ACLY: variants seen among roughly 807,000 people sequenced by gnomAD.
ACLY encodes ATP-citrate synthase.
In ACLY, 41 loss-of-function variants were observed where a neutral mutation model predicts 133.0. That is an observed-to-expected ratio of 0.31 (90% CI 0.24 to 0.40). ACLY has a LOEUF of 0.40. ACLY is among the 10% of genes least tolerant of loss of function. The probability of loss-of-function intolerance (pLI) is 1.00; values close to 1 mark genes in which losing one functional copy is unlikely to be tolerated. For missense variants in ACLY, 1,046 were observed against 1,453.8 expected, an observed-to-expected ratio of 0.72 and a Z score of 4.56; for synonymous variants, 495 against 549.3, an observed-to-expected ratio of 0.90 and a Z score of 1.38.
rs1488337852 is a variant in ACLY, at chr17:41,869,545, C to T, written c.2980G>A (p.Val994Ile). The stretch of plus-strand genomic sequence containing the variant: ...GGAGTGGCAGGGAAGTGCTGCCTGA[C>T]GTAATCTTTGAGGATCTGCACTCGC... ...DMRVQILKDY[V>I]RQHFPATPLL... is the part of the protein sequence containing the mutation. The change falls in exon 26 of 29, where the codon GTC (valine) becomes ATC (isoleucine). Residue 994 changes from valine to isoleucine, a missense_variant. This residue lies in a region of ACLY where 205 missense variants were observed against 373.3 expected (regional missense o/e 0.55). Transcript: ENST00000352035. The T allele has an allele frequency of 6.2e-6, 10 of 1,613,946 alleles. No homozygotes were observed. In the Admixed American group the frequency reaches 8.3e-5, roughly 13 times the overall value.
chr17:41,870,425 T>TA (rs2048568937), intron 25 of ACLY: 1 of 152,196 alleles, frequency 6.6e-6, no homozygotes, highest in Non-Finnish European at 1.5e-5. Flanking sequence ...GATGGCCAAG[T>TA]GTTTGGCTGC....
At chr17:41,902,195 G>A (rs1395671899) in intron 10 of ACLY, among the ~76,000 whole-genome samples, 7 of 152,184 alleles carry the variant, frequency 4.6e-5, no homozygotes, top group Non-Finnish European at 1.0e-4. Context: ...TCCTACAAAA[G>A]CTTCTTAAGT....
intron 13 of ACLY, 145 bp downstream of exon 13, chr17:41,897,604 G>A (rs1328678620): frequency 7.2e-6 from 5 of 694,016 alleles, no homozygotes; most frequent in South Asian, 1.9e-5. Context: ...TACCATCCTC[G>A]TGTCCCAGGT....
Position 41,918,877 on chromosome 17 carries a change from C to T in ACLY, c.-24+3G>A. ...GCCAGCGAAAACAGCCTCCCGTGCTCACCTCTGCCGAAGTCCGTGCGCGGC... is the reference window on the plus strand; with the variant it reads ...GCCAGCGAAAACAGCCTCCCGTGCTTACCTCTGCCGAAGTCCGTGCGCGGC... On this transcript the variant is annotated splice_donor_region_variant and intron_variant, in intron 1 of 28. Transcript: ENST00000352035. 7.8e-7 allele frequency: 1 copy of T among 1,288,446 alleles called. No individual in the cohort carries two copies. The highest frequency in any genetic ancestry group is 1.0e-6 in the Non-Finnish European group (1 of 988,424). The allele number at this position is 1,288,446 out of a possible 1,614,324, so 79.8% of individuals were successfully genotyped here. A position where few individuals can be genotyped will look rare whatever the true frequency, so the allele number is the denominator to read the frequency against.
chr17:41,922,328 G>A (rs1167589499), upstream of ACLY, among the ~76,000 whole-genome samples: 1 of 141,940 alleles, frequency 7.0e-6, no homozygotes, highest in Non-Finnish European at 1.5e-5. Flanking sequence ...GCAGTGAGCC[G>A]AGATCACGCC....
At chr17:41,868,872 G>A in intron 27 of ACLY, 87 bp from the exon 28 acceptor site, 2 of 1,456,348 alleles carry the variant, frequency 1.4e-6, no homozygotes, top group South Asian at 1.2e-5. Context: ...CCAAGAATGA[G>A]AAGAAAAGGG....
intron 22 of ACLY, among the ~76,000 whole-genome samples, chr17:41,876,957 C>T (rs552090336): frequency 5.3e-5 from 8 of 152,032 alleles, no homozygotes; most frequent in African/African-American, 1.9e-4. Flanking sequence ...TGGGGGAGCC[C>T]TTCAATATGT....
intron 10 of ACLY, among the ~76,000 whole-genome samples, chr17:41,902,909 C>T (rs1394242258): frequency 6.6e-6 from 1 of 152,166 alleles, no homozygotes; most frequent in Non-Finnish European, 1.5e-5. Flanking sequence ...TCACTGCAGC[C>T]TCAACCTCCG....
chr17:41,919,461 G>A (rs1236004023), upstream of ACLY, among the ~76,000 whole-genome samples: 2 of 152,236 alleles, frequency 1.3e-5, no homozygotes, highest in Non-Finnish European at 1.5e-5. Context: ...TGTCTGGCAG[G>A]CCGCTTTCCT....
At chr17:41,914,446 T>A (rs1221926758) in intron 1 of ACLY, among the ~76,000 whole-genome samples, 1 of 152,138 alleles carries the variant, frequency 6.6e-6, no homozygotes, top group Non-Finnish European at 1.5e-5. Context: ...ACCGGGCCAA[T>A]GGCCAAGCCA....
rs781846133 is a variant in ACLY, at chr17:41,873,942, A to G, written c.2511T>C (p.Pro837=). ...CGCAGATGCTGGTCATGAACGAGGC[A>G]GGTTTGCGGATCAAACCAAGCTCCT... ...WARELGLIRK[P]ASFMTSICDE... Residue 837 remains proline (P), a synonymous_variant, in exon 23 of 29, where the codon CCT becomes CCC. Coordinates refer to ENST00000352035, the MANE Select transcript of ACLY (RefSeq NM_001096.3). 7 of 1,606,050 alleles carry G rather than the reference A, an allele frequency of 4.4e-6. No homozygotes were observed. Among genetic ancestry groups the G allele is most frequent in the South Asian group, 3.3e-5 (3 of 90,556 alleles).
chr17:41,912,391 A>C lies in ACLY; in HGVS notation c.282+29T>G, dbSNP rs782210386. The C allele has an allele frequency of 1.0e-5, 16 of 1,607,780 alleles. No homozygotes were observed. The East Asian group carries it at 2.9e-4, about 29-fold the overall frequency. ...ACCATATTTGCTTCTGTTACCACAC[A>C]CGTTCATCCTGACCCCATGCCCACT... On this transcript the variant is annotated intron_variant, in intron 3 of 28. Transcript: ENST00000352035.
rs560148693 is a variant in ACLY, at chr17:41,905,458, A to G, written c.1003+64T>C. The G allele has an allele frequency of 1.4e-4, 231 of 1,605,456 alleles. No individual in the cohort carries two copies. In the African/African-American group the frequency reaches 2.8e-3, roughly 20 times the overall value. On this transcript the variant is annotated intron_variant, in intron 9 of 28. Coordinates refer to ENST00000352035, the MANE Select transcript of ACLY (RefSeq NM_001096.3). ...GTGACTCCTCAGACGAAGCTGTCCC[A>G]TTGCAGCCTGCTGGGCTGTCCTGGG...
At chr17:41,883,792 C>T (rs2048982133) in intron 19 of ACLY, among the ~76,000 whole-genome samples, 1 of 151,872 alleles carries the variant, frequency 6.6e-6, no homozygotes, top group Non-Finnish European at 1.5e-5. Context: ...ACCATGTAGG[C>T]CACGATGGTC....
intron 25 of ACLY, chr17:41,870,835 A>T (rs1275393035): frequency 6.6e-6 from 1 of 152,194 alleles, no homozygotes; most frequent in East Asian, 1.9e-4. Context: ...GAATCATGTA[A>T]GGCTTTAAGA....
In ACLY at chr17:41,886,220, C is replaced by G; in HGVS notation, c.1964G>C (p.Gly655Ala). Residue 655 changes from glycine to alanine, a missense_variant, in exon 18 of 29, where the codon GGC (glycine) becomes GCC (alanine). By Grantham distance (60) the Gly-to-Ala change is moderately conservative. Around this residue, in one of 4 missense-constraint regions of ACLY, gnomAD observed 575 missense variants for 804.2 expected, o/e 0.71. Coordinates refer to ENST00000352035, the MANE Select transcript of ACLY (RefSeq NM_001096.3). ...NILASKLYRP[G>A]SVAYVSRSGG... ...GGAACGTGAGACATAGGCCACGCTG[C>G]CTGGGCGGTACAGTTTGGAGGCCAG... 4 of 1,614,220 alleles carry G rather than the reference C, an allele frequency of 2.5e-6. No individual in the cohort carries two copies. Among genetic ancestry groups the G allele is most frequent in the Non-Finnish European group, 3.4e-6 (4 of 1,180,022 alleles).
At chr17:41,930,514 C>A (rs977156941) in exon 1 of ACLY, 104 of 518,452 alleles carry the variant, frequency 2.0e-4, no homozygotes, top group Non-Finnish European at 3.1e-4. Flanking sequence ...GCCACGCAAT[C>A]ATCACTCCCT....
chr17:41,887,741 G>A, intron 16 of ACLY, 38 bp from the exon 17 acceptor site: 13 of 1,570,832 alleles, frequency 8.3e-6, no homozygotes, highest in Non-Finnish European at 1.1e-5. Context: ...TTAACTCTCT[G>A]CCTCAGAAAG....
chr17:41,909,819 C>T (rs2049844636), intron 4 of ACLY, 119 bp from the exon 5 acceptor site: 1 of 868,398 alleles, frequency 1.2e-6, no homozygotes, highest in Non-Finnish European at 1.8e-6. Context: ...TCCCCACGGT[C>T]TCATTTTCTA....
Sources: gnomAD v4.1 joint callset for allele counts (sites outside exome capture counted in the v4.1 genomes callset) on GRCh38, gnomAD v4.1.1 for gene constraint, gnomAD v4.1.1 regional missense constraint, MANE v1.5 for transcripts, NCBI Gene and HGNC (gene_info 2026-07-23, HGNC 2026-07-21) for gene names.